Variants in BPIFC observed in about 807,000 individuals in gnomAD.
BPIFC encodes BPI fold-containing family C protein.
Under a neutral mutation model 57.6 loss-of-function variants are expected in BPIFC, and 60 were observed. The ratio of observed to expected loss-of-function variants is 1.04; its 90% CI spans 0.85 to 1.29. The LOEUF is 1.29. BPIFC is among the 50% of genes most tolerant of loss of function. The pLI, the probability that BPIFC is intolerant of heterozygous loss-of-function variation, is 0.00. For synonymous variants in BPIFC, 243 were observed against 224.5 expected (o/e 1.08, Z -0.74); for missense variants, 581 against 600.5 (o/e 0.97, Z 0.34).
At position 32,424,752 on chromosome 22, in the gene BPIFC, C is replaced by CTT. The variant is rs1193362112; in HGVS notation, c.1218-5349_1218-5348insAA. 2.2e-3 allele frequency among the ~76,000 whole-genome samples: 168 copies of CTT among 77,114 alleles called. 6 individuals carry two copies. Among genetic ancestry groups the CTT allele is most frequent in the African/African-American group, 3.7e-3 (60 of 16,172 alleles). The allele number at this position is 77,114 out of a possible 152,430, so 50.6% of individuals were successfully genotyped here. On this transcript the variant is annotated intron_variant, in intron 13 of 16. Transcript: ENST00000300399. ...TCCTCTTCTTCTTCCTCTTCTTCTT[C>CTT]CTCTTCTTCTTCTTCTTCTTCTTCT...
At position 32,455,154 on chromosome 22, in the gene BPIFC, G is replaced by A. The variant is rs1165141824; in HGVS notation, c.125-1651C>T. ...CAACCTCTGCCTCCTGGGTTCAAGTGATTCTCCTGCCTCAGCCTCCCAAGT... is the reference window on the plus strand; with the variant it reads ...CAACCTCTGCCTCCTGGGTTCAAGTAATTCTCCTGCCTCAGCCTCCCAAGT... On this transcript the variant is annotated intron_variant, in intron 3 of 16. Transcript: ENST00000300399. Among the ~76,000 whole-genome samples the A allele has an allele frequency of 4.1e-5, 6 of 147,462 alleles. No individual in the cohort carries two copies. The East Asian group carries it at 1.3e-3, about 31-fold the overall frequency.
chr22:32,429,103 T>G (rs1299860990), intron 13 of BPIFC, among the ~76,000 whole-genome samples: 1 of 152,234 alleles, frequency 6.6e-6, no homozygotes, highest in Non-Finnish European at 1.5e-5. Context: ...GCAAAGCTAT[T>G]TTATACAATT....
Position 32,442,735 on chromosome 22 carries a change from G to A in BPIFC, c.595-4C>T. 6.2e-7 allele frequency: 1 copy of A among 1,613,352 alleles called. No homozygotes were observed. The highest frequency in any genetic ancestry group is 8.5e-7 in the Non-Finnish European group (1 of 1,179,626). ...CACTTGCAATAATGGGACAGAGCTGGCCACAAAGGAATAAAAAGAAAAAAG... is the reference window on the plus strand; with the variant it reads ...CACTTGCAATAATGGGACAGAGCTGACCACAAAGGAATAAAAAGAAAAAAG... On this transcript the variant is annotated splice_polypyrimidine_tract_variant and splice_region_variant and intron_variant, in intron 7 of 16. Transcript: ENST00000300399.
intron 4 of BPIFC, among the ~76,000 whole-genome samples, chr22:32,448,082 T>G (rs549522165): frequency 6.6e-6 from 1 of 151,860 alleles, no homozygotes; most frequent in African/African-American, 2.4e-5. Context: ...TTCTTTTTTT[T>G]TTTTGAGACA....
intron 11 of BPIFC, 90 bp from the exon 12 acceptor site, chr22:32,432,633 T>C: frequency 2.4e-6 from 3 of 1,240,380 alleles, no homozygotes; most frequent in Non-Finnish European, 2.3e-6. Flanking sequence ...GGTGACTAAA[T>C]CTTACATTGT....
Position 32,417,146 on chromosome 22 carries a change from G to C in BPIFC, c.1263C>G (p.Val421=). The change falls in exon 15 of 17, where the codon GTC becomes GTG. Residue 421 remains valine, a splice_region_variant and synonymous_variant. Transcript: ENST00000300399. ...LPESNRSNIE[V]LRFENILSSI... ...ACGATAGAATATTTTCAAACCTCAA[G>C]ACCTAAAATAAAAGAGGAAATAGAA... 1.3e-6 allele frequency: 2 copies of C among 1,559,870 alleles called. No individual in the cohort carries two copies. Among genetic ancestry groups the C allele is most frequent in the Non-Finnish European group, 1.8e-6 (2 of 1,134,320 alleles).
intron 16 of BPIFC, among the ~76,000 whole-genome samples, chr22:32,414,986 C>T (rs1172415317): frequency 3.3e-5 from 5 of 152,122 alleles, no homozygotes; most frequent in East Asian, 1.9e-4. Context: ...TGTAGGGCAG[C>T]GGTCCCCAGC....
chr22:32,423,138 G>A (rs1490931530), intron 13 of BPIFC, among the ~76,000 whole-genome samples: 1 of 152,172 alleles, frequency 6.6e-6, no homozygotes, highest in Non-Finnish European at 1.5e-5. Flanking sequence ...TGAGAAGTAG[G>A]ACCAGTGGAT....
In BPIFC at chr22:32,447,408, G is replaced by A. The variant is rs146717626; in HGVS notation, c.246-68C>T. 576 of 1,550,900 alleles carry A rather than the reference G, an allele frequency of 3.7e-4. 1 individual carries two copies. The African/African-American group carries it at 7.2e-3, about 19-fold the overall frequency. On this transcript the variant is annotated intron_variant, in intron 4 of 16. Transcript: ENST00000300399. ...CATCTCTTCAGTCAAGCAAACTTGG[G>A]AACACAGTTGCAGAGCTCTTACCAT... is the stretch of plus-strand genomic sequence containing the variant.
chr22:32,439,709 G>A (rs2145941013), intron 8 of BPIFC, among the ~76,000 whole-genome samples: 1 of 152,148 alleles, frequency 6.6e-6, no homozygotes, highest in South Asian at 2.1e-4. Flanking sequence ...CTGTCTCTCG[G>A]GTTCAAGTGA....
At chr22:32,453,288 C>T in intron 4 of BPIFC, 95 bp downstream of exon 4, 1 of 927,438 alleles carries the variant, frequency 1.1e-6, no homozygotes. Context: ...GATAAGAAGG[C>T]TGGATTCTGA....
intron 3 of BPIFC, 75 bp from the exon 4 acceptor site, chr22:32,453,578 T>C (rs925136751): frequency 1.6e-5 from 23 of 1,458,396 alleles, no homozygotes; most frequent in Non-Finnish European, 2.0e-5. Context: ...ACCACACAAA[T>C]ACAATTTATT....
intron 7 of BPIFC, 68 bp from the exon 8 acceptor site, chr22:32,442,799 C>T (rs1934601751): frequency 6.9e-7 from 1 of 1,450,056 alleles, no homozygotes; most frequent in Non-Finnish European, 9.5e-7. Context: ...TATTGATGGG[C>T]CTAGACCCTG....
intron 13 of BPIFC, among the ~76,000 whole-genome samples, chr22:32,429,509 GTTTTTTT>G (rs780948561): frequency 1.2e-4 from 7 of 56,622 alleles, no homozygotes; most frequent in Admixed American, 4.4e-4. Flanking sequence ...ACTGGCCTTT[GTTTTTTT>G]TTTTTTTTTT....
chr22:32,437,367 TTTTTTG>T (rs943765589), intron 9 of BPIFC, among the ~76,000 whole-genome samples: 6 of 152,124 alleles, frequency 3.9e-5, no homozygotes, highest in Non-Finnish European at 7.3e-5. Context: ...AGAATCATTG[TTTTTTG>T]TTTTTGTTTT....
chr22:32,457,738 G>A (rs964072252), intron 2 of BPIFC, among the ~76,000 whole-genome samples: 21 of 152,160 alleles, frequency 1.4e-4, no homozygotes, highest in Admixed American at 1.2e-3. Context: ...TAGTGAATAT[G>A]CATCCTTCAG....
intron 7 of BPIFC, among the ~76,000 whole-genome samples, chr22:32,445,195 G>A (rs1934681992): frequency 6.6e-6 from 1 of 152,208 alleles, no homozygotes; most frequent in Non-Finnish European, 1.5e-5. Flanking sequence ...GCCTTGGATA[G>A]TGCCTAGCAC....
chr22:32,441,995 C>T (rs1412804978), intron 8 of BPIFC, among the ~76,000 whole-genome samples: 2 of 152,230 alleles, frequency 1.3e-5, no homozygotes, highest in Non-Finnish European at 2.9e-5. Flanking sequence ...TGACAGGAGG[C>T]AGAGCTCAGG....
intron 13 of BPIFC, among the ~76,000 whole-genome samples, chr22:32,426,071 C>T (rs558877296): frequency 3.9e-5 from 6 of 152,312 alleles, no homozygotes; most frequent in South Asian, 4.1e-4. Context: ...ACCACCAACA[C>T]GGGGTTTGTC....
Sources: allele counts gnomAD v4.1 joint callset (sites outside exome capture counted in the v4.1 genomes callset), GRCh38; gene constraint gnomAD v4.1.1; transcripts MANE v1.5; gene names NCBI Gene and HGNC (gene_info 2026-07-23, HGNC 2026-07-21).